Variants in SKAP2 observed in about 807,000 individuals in gnomAD.
SKAP2 encodes the protein src kinase-associated phosphoprotein 2.
A neutral mutation model predicts 54.9 loss-of-function variants in SKAP2; 28 were observed. The observed-to-expected ratio is 0.51, with a 90% CI of 0.38 to 0.70. The LOEUF (loss-of-function observed/expected upper bound fraction) is 0.70, where lower values mean the gene tolerates loss of function less well. SKAP2 is among the 30% of genes least tolerant of loss of function. SKAP2 has a pLI of 0.00. For missense variants in SKAP2, 356 were observed against 424.1 expected (o/e 0.84, Z 1.41); for synonymous variants, 137 against 134.3 (o/e 1.02, Z -0.14).
chr7:26,823,361 G>A (rs1246051800), intron 4 of SKAP2, among the ~76,000 whole-genome samples: 1 of 149,502 alleles, frequency 6.7e-6, no homozygotes. Flanking sequence ...GGGAGGTGGG[G>A]GTCGCAGTGA....
In SKAP2 at chr7:26,741,574, A is replaced by AT. The variant is rs1361131421; in HGVS notation, c.308-1611dup. ...AATAAATAAATAAATAAATAAATAA[A>AT]TAAATTAATAAAATGAAATAACTAA... On this transcript the variant is annotated intron_variant, in intron 4 of 12. Coordinates refer to ENST00000345317, the MANE Select transcript of SKAP2 (RefSeq NM_003930.5). Among the ~76,000 whole-genome samples, 4 of 9,540 alleles carry AT rather than the reference A, an allele frequency of 4.2e-4. No individual in the cohort carries two copies. The Admixed American group carries it at 4.4e-3, about 11-fold the overall frequency. The allele number at this position is 9,540 out of a possible 152,430, so 6.3% of individuals were successfully genotyped here.
At chr7:26,718,219 A>T (rs2127953001) in intron 9 of SKAP2, among the ~76,000 whole-genome samples, 1 of 152,176 alleles carries the variant, frequency 6.6e-6, no homozygotes, top group South Asian at 2.1e-4. Context: ...GAAAGCAAGG[A>T]AGAAGAGAAA....
At chr7:26,813,690 C>T (rs1253867980) in intron 4 of SKAP2, among the ~76,000 whole-genome samples, 2 of 152,202 alleles carry the variant, frequency 1.3e-5, no homozygotes, top group Non-Finnish European at 2.9e-5. Context: ...TGAACCCTTC[C>T]TGATGAGCAC....
chr7:26,718,500 ATTTAT>A (rs923686887), intron 9 of SKAP2, among the ~76,000 whole-genome samples: 128 of 151,528 alleles, frequency 8.4e-4, no homozygotes, highest in African/African-American at 2.7e-3. Flanking sequence ...TTTTATTTTA[ATTTAT>A]TTTATTTTAT....
intron 4 of SKAP2, among the ~76,000 whole-genome samples, chr7:26,835,639 T>A (rs1207808833): frequency 6.6e-6 from 1 of 152,072 alleles, no homozygotes; most frequent in African/African-American, 2.4e-5. Context: ...ACAGAAGATG[T>A]GAAGGACCTC....
At chr7:26,846,399 A>G (rs546343495) in intron 3 of SKAP2, among the ~76,000 whole-genome samples, 45 of 152,290 alleles carry the variant, frequency 3.0e-4, no homozygotes, top group Admixed American at 2.7e-3. Context: ...GAAGTAGTTT[A>G]TTATCCTTTG....
rs1468443703 is a variant in SKAP2, at chr7:26,668,651, A to C, written c.*1015T>G. 6.8e-6 allele frequency: 1 copy of C among 148,120 alleles called. No individual in the cohort carries two copies. Among genetic ancestry groups the C allele is most frequent in the Non-Finnish European group, 1.5e-5 (1 of 67,566 alleles). The allele number at this position is 148,120 out of a possible 1,614,324, so 9.2% of individuals were successfully genotyped here. A position where few individuals can be genotyped will look rare whatever the true frequency, so the allele number is the denominator to read the frequency against. ...TTATGCCTTTTTACTTTGAGAATAC[A>C]CTGAGATTCTGTTTTTTTTTTTTTT... On this transcript the variant is annotated 3_prime_UTR_variant, in exon 13 of 13. Transcript: ENST00000345317.
chr7:26,656,761 T>C, the SKAP2 span, among the ~76,000 whole-genome samples: 16 of 152,080 alleles, frequency 1.1e-4, no homozygotes, highest in South Asian at 2.1e-4. Flanking sequence ...TACAAAGATA[T>C]TTCATACAAA....
At chr7:26,799,858 C>A (rs1274133843) in intron 4 of SKAP2, among the ~76,000 whole-genome samples, 2 of 152,126 alleles carry the variant, frequency 1.3e-5, no homozygotes, top group Non-Finnish European at 2.9e-5. Flanking sequence ...GTGGCTCACG[C>A]CTGTAATCCC....
chr7:26,812,593 C>T (rs3801833), intron 4 of SKAP2, among the ~76,000 whole-genome samples: 32,323 of 151,950 alleles, frequency 0.21, 3,522 homozygotes, highest in Non-Finnish European at 0.24. Flanking sequence ...CCATGAATTA[C>T]GTCGACAAAA....
chr7:26,710,629 T>G (rs543293862), intron 9 of SKAP2, among the ~76,000 whole-genome samples: 14 of 152,324 alleles, frequency 9.2e-5, no homozygotes, highest in Non-Finnish European at 1.9e-4. Flanking sequence ...ATTATAGCAG[T>G]GATTAGGCTA....
intron 6 of SKAP2, among the ~76,000 whole-genome samples, chr7:26,738,113 C>A (rs886243009): frequency 6.6e-6 from 1 of 152,136 alleles, no homozygotes; most frequent in Non-Finnish European, 1.5e-5. Context: ...CGAGACAAGA[C>A]CCTGTTTCTA....
chr7:26,688,068 AAG>A (rs1786687592), intron 10 of SKAP2, among the ~76,000 whole-genome samples: 1 of 152,174 alleles, frequency 6.6e-6, no homozygotes, highest in Non-Finnish European at 1.5e-5. Flanking sequence ...AAAAACATAC[AAG>A]AAGAGATCAT....
intron 4 of SKAP2, among the ~76,000 whole-genome samples, chr7:26,802,542 A>G (rs1283710088): frequency 6.6e-6 from 1 of 152,094 alleles, no homozygotes; most frequent in Non-Finnish European, 1.5e-5. Context: ...AAGTGTTGGG[A>G]TTATAGGCAT....
intron 4 of SKAP2, among the ~76,000 whole-genome samples, chr7:26,755,269 G>A (rs879365921): frequency 1.8e-4 from 26 of 141,480 alleles, no homozygotes; most frequent in African/African-American, 7.3e-4. Flanking sequence ...CTCAGAGGAT[G>A]CTGAAATATG....
At chr7:26,748,457 G>A (rs761357158) in intron 4 of SKAP2, among the ~76,000 whole-genome samples, 1 of 151,862 alleles carries the variant, frequency 6.6e-6, no homozygotes, top group Non-Finnish European at 1.5e-5. Context: ...TTATAATATA[G>A]GGCACCCTCT....
chr7:26,655,238 A>C, the SKAP2 span, among the ~76,000 whole-genome samples: 2 of 152,320 alleles, frequency 1.3e-5, no homozygotes, highest in Non-Finnish European at 2.9e-5. Flanking sequence ...CTGTATGATA[A>C]ATCATGTTAT....
intron 9 of SKAP2, among the ~76,000 whole-genome samples, chr7:26,692,964 G>T (rs540743105): frequency 6.6e-6 from 1 of 152,220 alleles, no homozygotes; most frequent in South Asian, 2.1e-4. Context: ...ATTAAAAAAT[G>T]GATAAAGGCA....
chr7:26,772,755 G>A (rs1783214771), intron 4 of SKAP2, among the ~76,000 whole-genome samples: 1 of 152,196 alleles, frequency 6.6e-6, no homozygotes, highest in African/African-American at 2.4e-5. Flanking sequence ...ATCCACGTGT[G>A]TGTTTGTTTT....
Sources: gnomAD v4.1 joint callset for allele counts (sites outside exome capture counted in the v4.1 genomes callset) on GRCh38, gnomAD v4.1.1 for gene constraint, MANE v1.5 for transcripts, NCBI Gene and HGNC (gene_info 2026-07-23, HGNC 2026-07-21) for gene names.